The following USH2A variants were observed in gnomAD, a reference collection of about 807,000 sequenced individuals.
USH2A encodes Usher syndrome 2A (autosomal recessive, mild).
A neutral mutation model predicts 538.9 loss-of-function variants in USH2A; 443 were observed. The observed-to-expected ratio is 0.82, with a 90% CI of 0.76 to 0.89. The LOEUF (loss-of-function observed/expected upper bound fraction) is 0.89, where lower values mean the gene tolerates loss of function less well. Ranked by LOEUF, USH2A falls within the 40% of genes least tolerant of loss-of-function variation. The probability of loss-of-function intolerance (pLI) is 0.00; values close to 1 mark genes in which losing one functional copy is unlikely to be tolerated. For synonymous variants in USH2A, 2,413 were observed against 2,273.5 expected, an observed-to-expected ratio of 1.06 and a Z score of -1.75; for missense variants, 6,633 against 6,324.8, an observed-to-expected ratio of 1.05 and a Z score of -1.65.
At chr1:215,713,341 A>G (rs1013155198) in intron 61 of USH2A, among the ~76,000 whole-genome samples, 25 of 152,324 alleles carry the variant, frequency 1.6e-4, no homozygotes, top group African/African-American at 6.0e-4. Flanking sequence ...TACAATGAGT[A>G]AAAAAGCCAA....
chr1:215,632,283 C>A (rs555390798), intron 70 of USH2A, among the ~76,000 whole-genome samples: 15 of 152,256 alleles, frequency 9.9e-5, no homozygotes, highest in Admixed American at 3.3e-4. Flanking sequence ...TCCCTCAGAA[C>A]TTCAGGTCCT....
chr1:215,837,726 T>A (rs535692440), intron 47 of USH2A, among the ~76,000 whole-genome samples: 1 of 152,282 alleles, frequency 6.6e-6, no homozygotes, highest in Non-Finnish European at 1.5e-5. Context: ...CACATTCAAA[T>A]AAGGAGACAT....
chr1:216,401,533 C>T (rs1450775093), intron 3 of USH2A, among the ~76,000 whole-genome samples: 1 of 151,882 alleles, frequency 6.6e-6, no homozygotes, highest in Non-Finnish European at 1.5e-5. Context: ...AAAAAAGTAT[C>T]CAAAAAATAT....
At chr1:216,062,086 C>T (rs1168587961) in intron 30 of USH2A, among the ~76,000 whole-genome samples, 1 of 152,108 alleles carries the variant, frequency 6.6e-6, no homozygotes, top group Non-Finnish European at 1.5e-5. Context: ...TGGGGGAGGA[C>T]ATTTAGCTGA....
chr1:216,412,617 G>A (rs2039506341), intron 3 of USH2A, among the ~76,000 whole-genome samples: 1 of 151,342 alleles, frequency 6.6e-6, no homozygotes, highest in Admixed American at 6.6e-5. Context: ...AATATCTGAA[G>A]CATTGAAAAT....
At chr1:215,935,680 G>T (rs1489640666) in intron 37 of USH2A, among the ~76,000 whole-genome samples, 1 of 151,932 alleles carries the variant, frequency 6.6e-6, no homozygotes, top group East Asian at 1.9e-4. Context: ...GTTAAAATAA[G>T]AAAAGGGCTA....
At chr1:215,939,877 A>C (rs1348628706) in intron 37 of USH2A, among the ~76,000 whole-genome samples, 1 of 152,106 alleles carries the variant, frequency 6.6e-6, no homozygotes, top group Non-Finnish European at 1.5e-5. Context: ...TGTGGGAAAG[A>C]GGTGACATGA....
intron 30 of USH2A, among the ~76,000 whole-genome samples, chr1:216,054,258 T>C (rs535682053): frequency 6.6e-6 from 1 of 152,272 alleles, no homozygotes; most frequent in African/African-American, 2.4e-5. Context: ...ACAAGCAAAG[T>C]GACAGACATT....
intron 38 of USH2A, among the ~76,000 whole-genome samples, chr1:215,908,665 C>A (rs1252243150): frequency 6.6e-6 from 1 of 151,692 alleles, no homozygotes; most frequent in East Asian, 1.9e-4. Flanking sequence ...ATTTAGTAAA[C>A]TTTATTTGCT....
intron 60 of USH2A, among the ~76,000 whole-genome samples, chr1:215,729,828 T>C (rs1659940497): frequency 6.6e-6 from 1 of 152,190 alleles, no homozygotes. Context: ...AGATGAGGTC[T>C]TGCCATGTTG....
At chr1:216,375,554 A>G (rs1473090435) in intron 3 of USH2A, among the ~76,000 whole-genome samples, 1 of 152,200 alleles carries the variant, frequency 6.6e-6, no homozygotes, top group East Asian at 1.9e-4. Flanking sequence ...CTTTGGTTTA[A>G]GAGAATATTG....
intron 38 of USH2A, among the ~76,000 whole-genome samples, chr1:215,914,100 G>A (rs1665886786): frequency 8.2e-6 from 1 of 121,480 alleles, no homozygotes; most frequent in African/African-American, 3.2e-5. Flanking sequence ...TTGAGACAGA[G>A]TCTCGCTCTG....
intron 11 of USH2A, among the ~76,000 whole-genome samples, chr1:216,268,894 A>G (rs2102577851): frequency 6.6e-6 from 1 of 152,200 alleles, no homozygotes; most frequent in African/African-American, 2.4e-5. Flanking sequence ...TGGTACTCTC[A>G]AGGCATTTTA....
chr1:215,763,810 A>T (rs1661051405), intron 56 of USH2A, among the ~76,000 whole-genome samples: 1 of 152,152 alleles, frequency 6.6e-6, no homozygotes, highest in Non-Finnish European at 1.5e-5. Flanking sequence ...TCTTATAGCT[A>T]TGAGGATCTG....
intron 35 of USH2A, among the ~76,000 whole-genome samples, chr1:215,990,684 G>T (rs902405720): frequency 6.6e-6 from 1 of 151,962 alleles, no homozygotes; most frequent in Non-Finnish European, 1.5e-5. Flanking sequence ...AGAGGCCTAC[G>T]GTTAGCCTAG....
intron 50 of USH2A, among the ~76,000 whole-genome samples, chr1:215,792,667 T>C (rs570804039): frequency 6.6e-5 from 10 of 152,310 alleles, no homozygotes; most frequent in African/African-American, 2.4e-4. Context: ...TTGGTAGTAA[T>C]TCCCATAGTG....
chr1:215,924,546 A>G (rs1571817523), intron 38 of USH2A, among the ~76,000 whole-genome samples: 1 of 152,230 alleles, frequency 6.6e-6, no homozygotes, highest in African/African-American at 2.4e-5. Flanking sequence ...TTAGGGCACT[A>G]TAAAAATTCA....
chr1:216,349,526 T>C (rs2038237772), intron 4 of USH2A, among the ~76,000 whole-genome samples: 2 of 152,074 alleles, frequency 1.3e-5, no homozygotes, highest in African/African-American at 4.8e-5. Flanking sequence ...AGAAGCCAGC[T>C]AAAACCCACG....
chr1:215,711,570 C>CT (rs999690874), intron 61 of USH2A, among the ~76,000 whole-genome samples: 8 of 152,042 alleles, frequency 5.3e-5, no homozygotes, highest in African/African-American at 1.9e-4. Context: ...CTCCTCAAGA[C>CT]TTTTTTTTCT....
Sources: allele counts gnomAD v4.1 joint callset (sites outside exome capture counted in the v4.1 genomes callset), GRCh38; gene constraint gnomAD v4.1.1; transcripts MANE v1.5; gene names NCBI Gene and HGNC (gene_info 2026-07-23, HGNC 2026-07-21).